Variants in BHMT observed in about 807,000 individuals in gnomAD.
BHMT encodes betaine--homocysteine S-methyltransferase 1.
In BHMT, 38 loss-of-function variants were observed where a neutral mutation model predicts 49.5. The ratio of observed to expected loss-of-function variants is 0.77; its 90% CI spans 0.59 to 1.01. The LOEUF is 1.01. BHMT is among the 50% of genes least tolerant of loss of function. The pLI, the probability that BHMT is intolerant of heterozygous loss-of-function variation, is 0.00. For synonymous variants in BHMT, 166 were observed against 176.3 expected (o/e 0.94, Z 0.46); for missense variants, 426 against 495.7 (o/e 0.86, Z 1.34).
rs372610894 is a variant in BHMT at position 79,119,261 on chromosome 5, C to T, written c.169C>T (p.Arg57Cys). ...CCTTTCCTCATTCACTCTCCCAGTT[C>T]GCCAGCTTCATCGAGAGTTCCTCAG... Reference protein sequence around the residue: ...EAAVEHPEAVRQLHREFLRAG... With the variant: ...EAAVEHPEAVCQLHREFLRAG... The change falls in exon 3 of 8, where the codon CGC becomes TGC. Residue 57 changes from arginine (R) to cysteine (C), a missense_variant and splice_region_variant. Transcript: ENST00000274353. The T allele has an allele frequency of 2.9e-5, 46 of 1,601,834 alleles. No homozygotes were observed. Among genetic ancestry groups the T allele is most frequent in the Non-Finnish European group, 3.4e-5 (40 of 1,175,666 alleles).
At chr5:79,128,528 TTAAAAAA>T (rs1756589674) in intron 7 of BHMT, among the ~76,000 whole-genome samples, 2 of 132,950 alleles carry the variant, frequency 1.5e-5, no homozygotes, top group South Asian at 5.1e-4. Flanking sequence ...AGACCCTGTT[TTAAAAAA>T]AAAAAAAAAA....
Position 79,127,682 on chromosome 5 carries a change from C to T in BHMT, c.809-73C>T, listed in dbSNP as rs148371432. The stretch of plus-strand genomic sequence containing the variant: ...CAATTCATTTATTGAAAATTACATA[C>T]TTGTAGCTACTTATCTTGAATTTTT... On this transcript the variant is annotated intron_variant, in intron 6 of 7. Transcript: ENST00000274353. 28 of 1,510,932 alleles carry T rather than the reference C, an allele frequency of 1.9e-5. No individual in the cohort carries two copies. The African/African-American group carries it at 3.4e-4, about 18-fold the overall frequency. 93.6% of individuals were successfully genotyped at this position (1,510,932 alleles called of 1,614,324 possible).
rs763726268 is a variant in BHMT at position 79,131,090 on chromosome 5, GA to G, written c.1200del (p.Lys400AsnfsTer15). On this transcript the variant is annotated frameshift_variant, in exon 8 of 8. Coordinates refer to ENST00000274353, the MANE Select transcript of BHMT (RefSeq NM_001713.3). LOFTEE classifies it high-confidence loss of function. ...TTEQQLKELF[E>X]KQKFKSQ Reference sequence around the variant, plus strand: ...TGAGCAGCAGCTGAAAGAGCTCTTTGAAAAACAAAAATTCAAATCACAGTAG... The same window carrying G: ...TGAGCAGCAGCTGAAAGAGCTCTTTGAAAACAAAAATTCAAATCACAGTAG... The G allele has an allele frequency of 1.7e-4, 274 of 1,612,346 alleles. No homozygotes were observed. The highest frequency in any genetic ancestry group is 8.9e-4 in the Admixed American group (53 of 59,646).
At chr5:79,126,919 T>A (rs1756560760) in intron 6 of BHMT, among the ~76,000 whole-genome samples, 1 of 151,940 alleles carries the variant, frequency 6.6e-6, no homozygotes, top group Non-Finnish European at 1.5e-5. Context: ...CCTTCTAAGG[T>A]CTTTACACCC....
rs888319749 is a variant in BHMT, at chr5:79,130,916, G to A, written c.1038-17G>A. 3.8e-6 allele frequency: 6 copies of A among 1,587,790 alleles called. No homozygotes were observed. The African/African-American group carries it at 5.4e-5, about 14-fold the overall frequency. ...GGAGGAGTCTGTTGTCTGGTGTCAT[G>A]TGTTTTGTTCACACAGGGCCAGGAA... On this transcript the variant is annotated splice_polypyrimidine_tract_variant and intron_variant, in intron 7 of 7. Transcript: ENST00000274353.
intron 2 of BHMT, among the ~76,000 whole-genome samples, chr5:79,117,267 C>T (rs1580269205): frequency 6.6e-6 from 1 of 152,086 alleles, no homozygotes; most frequent in African/African-American, 2.4e-5. Flanking sequence ...ACCTCTGGAA[C>T]TCCACCCAAG....
chr5:79,129,136 C>A (rs943543501), intron 7 of BHMT, among the ~76,000 whole-genome samples: 1 of 152,132 alleles, frequency 6.6e-6, no homozygotes, highest in African/African-American at 2.4e-5. Context: ...ATTAACAGAG[C>A]ACAGCTATCT....
At chr5:79,128,521 C>T (rs1448835243) in intron 7 of BHMT, among the ~76,000 whole-genome samples, 161 of 106,804 alleles carry the variant, frequency 1.5e-3, no homozygotes, top group African/African-American at 4.8e-3. Flanking sequence ...CAGAGTGAGA[C>T]CCTGTTTTAA....
At chr5:79,111,999 C>G (rs1756309328) in intron 1 of BHMT, 81 bp downstream of exon 1, 2 of 1,406,550 alleles carry the variant, frequency 1.4e-6, no homozygotes, top group African/African-American at 1.5e-5. Context: ...CGCAGAGGGG[C>G]CCTCGGACCC....
chr5:79,113,796 A>C (rs1054462668), intron 1 of BHMT, among the ~76,000 whole-genome samples: 1 of 152,188 alleles, frequency 6.6e-6, no homozygotes, highest in African/African-American at 2.4e-5. Flanking sequence ...GATAATTTTA[A>C]AATGCAATAG....
chr5:79,120,341 C>T lies in BHMT; in HGVS notation c.286-9C>T, dbSNP rs1174528632. On this transcript the variant is annotated splice_polypyrimidine_tract_variant and intron_variant, in intron 3 of 7. Coordinates refer to ENST00000274353, the MANE Select transcript of BHMT (RefSeq NM_001713.3). The stretch of plus-strand genomic sequence containing the variant: ...AAATTTAGATGTCTCATATACTCAC[C>T]CATTTTAGGGGCAGGAAGTCAATGA... 3.8e-6 allele frequency: 6 copies of T among 1,595,394 alleles called. No homozygotes were observed. In the African/African-American group the frequency reaches 4.1e-5, roughly 11 times the overall value.
intron 2 of BHMT, among the ~76,000 whole-genome samples, chr5:79,117,364 C>G (rs906080997): frequency 2.0e-5 from 3 of 152,042 alleles, no homozygotes; most frequent in Admixed American, 6.6e-5. Context: ...CCTCTCCAGC[C>G]ACAGCAGCTC....
At chr5:79,112,763 G>T (rs1367572184) in intron 1 of BHMT, among the ~76,000 whole-genome samples, 1 of 152,202 alleles carries the variant, frequency 6.6e-6, no homozygotes, top group Non-Finnish European at 1.5e-5. Flanking sequence ...GTTGGGAGGG[G>T]TATTTTCAGT....
intron 3 of BHMT, chr5:79,119,586 A>G (rs776047105): frequency 2.5e-5 from 11 of 432,444 alleles, no homozygotes; most frequent in Non-Finnish European, 4.5e-5. Context: ...CAGATGAAGA[A>G]GAGGTATTTA....
intron 5 of BHMT, among the ~76,000 whole-genome samples, chr5:79,121,650 T>TA (rs1343873217): frequency 1.3e-5 from 2 of 151,168 alleles, no homozygotes; most frequent in Non-Finnish European, 3.0e-5. Flanking sequence ...CCACCTCTAC[T>TA]AAAAAATACA....
chr5:79,128,727 C>T (rs549304769), intron 7 of BHMT, among the ~76,000 whole-genome samples: 28 of 151,890 alleles, frequency 1.8e-4, no homozygotes, highest in Non-Finnish European at 1.8e-4. Flanking sequence ...GCTGGGAATA[C>T]GGTGGCAAAT....
At chr5:79,119,445 T>C in intron 3 of BHMT, 68 bp downstream of exon 3, 2 of 1,284,348 alleles carry the variant, frequency 1.6e-6, no homozygotes, top group Non-Finnish European at 2.2e-6. Context: ...AAAGCTCCCA[T>C]AGAGAAAAGG....
At chr5:79,115,930 T>C (rs1285202153) in intron 2 of BHMT, 31 bp downstream of exon 2, 1 of 1,579,700 alleles carries the variant, frequency 6.3e-7, no homozygotes, top group East Asian at 2.3e-5. Flanking sequence ...TAAGTTCTCA[T>C]AAAGGAGCCG....
At chr5:79,118,761 T>C (rs1458965290) in intron 2 of BHMT, among the ~76,000 whole-genome samples, 1 of 152,226 alleles carries the variant, frequency 6.6e-6, no homozygotes, top group Admixed American at 6.5e-5. Context: ...CCACCTTCTC[T>C]GCCTGGCAGT....
Sources: allele counts gnomAD v4.1 joint callset (sites outside exome capture counted in the v4.1 genomes callset), GRCh38; gene constraint gnomAD v4.1.1; transcripts MANE v1.5; gene names NCBI Gene and HGNC (gene_info 2026-07-23, HGNC 2026-07-21).